CNTN3: variants seen among roughly 807,000 people sequenced by gnomAD.
CNTN3 encodes contactin-3.
CNTN3 carries 60 observed loss-of-function variants against 119.1 expected under a neutral mutation model. That is an observed-to-expected ratio of 0.50 (90% CI 0.41 to 0.62). CNTN3 has a LOEUF of 0.62. Among genes scored for constraint, CNTN3 ranks in the 20% least tolerant of loss-of-function variants. The probability of loss-of-function intolerance (pLI) is 0.00; values close to 1 mark genes in which losing one functional copy is unlikely to be tolerated. For missense variants in CNTN3, 1,101 were observed against 1,242.4 expected (o/e 0.89, Z 1.71); for synonymous variants, 450 against 438.7 (o/e 1.03, Z -0.32).
At chr3:74,513,966 CTTT>C (rs1009124878) in intron 2 of CNTN3, among the ~76,000 whole-genome samples, 2 of 142,120 alleles carry the variant, frequency 1.4e-5, no homozygotes. Flanking sequence ...ATTTTTTTGA[CTTT>C]TTTTTTTTTG....
chr3:74,380,638 G>A (rs1256775450), intron 5 of CNTN3, among the ~76,000 whole-genome samples: 3 of 152,180 alleles, frequency 2.0e-5, no homozygotes, highest in African/African-American at 4.8e-5. Context: ...GAATCCAAAC[G>A]TAGTGCTTCT....
At chr3:74,609,475 C>A (rs1705045105) in intron 1 of CNTN3, among the ~76,000 whole-genome samples, 1 of 152,132 alleles carries the variant, frequency 6.6e-6, no homozygotes, top group South Asian at 2.1e-4. Flanking sequence ...TGACAAAGAC[C>A]ACTGACTCCA....
chr3:74,302,135 T>C (rs1702472436), intron 14 of CNTN3, among the ~76,000 whole-genome samples: 1 of 152,218 alleles, frequency 6.6e-6, no homozygotes, highest in Non-Finnish European at 1.5e-5. Context: ...CCTCTGCTCC[T>C]GGTGTGATGC....
At chr3:74,353,435 T>G (rs1703860482) in intron 11 of CNTN3, among the ~76,000 whole-genome samples, 1 of 152,140 alleles carries the variant, frequency 6.6e-6, no homozygotes, top group South Asian at 2.1e-4. Flanking sequence ...AGGGTGGAGA[T>G]GAATGTAAAA....
At chr3:74,311,882 T>C (rs368621513) in intron 13 of CNTN3, among the ~76,000 whole-genome samples, 21 of 152,302 alleles carry the variant, frequency 1.4e-4, no homozygotes, top group East Asian at 1.2e-3. Context: ...TAATCACAAC[T>C]TGGAGTAAAA....
At chr3:74,319,674 A>C (rs1431872036) in intron 13 of CNTN3, among the ~76,000 whole-genome samples, 4 of 151,968 alleles carry the variant, frequency 2.6e-5, no homozygotes, top group African/African-American at 4.8e-5. Context: ...ATGGGATCCA[A>C]TTAAACTAAA....
At chr3:74,425,139 C>A (rs1472920808) in intron 4 of CNTN3, among the ~76,000 whole-genome samples, 199 bp from the exon 5 acceptor site, 1 of 151,892 alleles carries the variant, frequency 6.6e-6, no homozygotes, top group South Asian at 2.1e-4. Context: ...TGTGGTTATA[C>A]TGTGTAATGC....
At chr3:74,466,162 T>C (rs1702456775) in intron 4 of CNTN3, among the ~76,000 whole-genome samples, 1 of 151,756 alleles carries the variant, frequency 6.6e-6, no homozygotes, top group Non-Finnish European at 1.5e-5. Context: ...ATGGAGAAAA[T>C]ACGTGAGTTT....
chr3:74,393,354 T>C (rs764072432), intron 5 of CNTN3, among the ~76,000 whole-genome samples: 1 of 152,216 alleles, frequency 6.6e-6, no homozygotes, highest in Non-Finnish European at 1.5e-5. Context: ...GATCTGATTG[T>C]TGGTGTTTAA....
At chr3:74,397,626 A>C (rs942839180) in intron 5 of CNTN3, among the ~76,000 whole-genome samples, 1 of 152,164 alleles carries the variant, frequency 6.6e-6, no homozygotes, top group African/African-American at 2.4e-5. Flanking sequence ...GTTCAAGTGA[A>C]AGGAAGAATA....
intron 1 of CNTN3, among the ~76,000 whole-genome samples, chr3:74,576,139 C>T (rs1704412407): frequency 6.6e-6 from 1 of 152,156 alleles, no homozygotes; most frequent in Non-Finnish European, 1.5e-5. Context: ...CCCCTCCTTC[C>T]TTGTCTCTTT....
chr3:74,545,867 T>C (rs1243583573), intron 1 of CNTN3, among the ~76,000 whole-genome samples: 2 of 152,216 alleles, frequency 1.3e-5, no homozygotes, highest in East Asian at 3.8e-4. Context: ...CTACACTTTA[T>C]GCATTGTCCC....
At chr3:74,400,071 A>C (rs1705154602) in intron 5 of CNTN3, among the ~76,000 whole-genome samples, 4 of 152,204 alleles carry the variant, frequency 2.6e-5, no homozygotes, top group Admixed American at 2.6e-4. Context: ...AGTGTACACA[A>C]ATCAAATGGT....
chr3:74,330,925 A>C (rs1703249897), intron 13 of CNTN3, among the ~76,000 whole-genome samples: 1 of 152,234 alleles, frequency 6.6e-6, no homozygotes, highest in African/African-American at 2.4e-5. Context: ...ATAGCTGTAC[A>C]ATGTGTGTTT....
At position 74,395,482 on chromosome 3, in the gene CNTN3, C is replaced by T. The variant is rs539252350; in HGVS notation, c.455-24083G>A. Reference sequence around the variant, plus strand: ...TGGGTACCTATTTATAAAGAATTTACGATAGTGGCTAGTATTTAGTAAAGG... The same window carrying T: ...TGGGTACCTATTTATAAAGAATTTATGATAGTGGCTAGTATTTAGTAAAGG... On this transcript the variant is annotated intron_variant, in intron 5 of 22. Coordinates refer to ENST00000263665, the MANE Select transcript of CNTN3 (RefSeq NM_020872.3). 5.9e-5 allele frequency among the ~76,000 whole-genome samples: 9 copies of T among 152,160 alleles called. 1 individual carries two copies. Among genetic ancestry groups the T allele is most frequent in the African/African-American group, 2.2e-4 (9 of 41,514 alleles).
intron 1 of CNTN3, among the ~76,000 whole-genome samples, chr3:74,587,893 C>T (rs1028810398): frequency 3.3e-5 from 5 of 152,128 alleles, no homozygotes; most frequent in African/African-American, 1.2e-4. Context: ...GGGAATGCTT[C>T]CAGCTTTTGC....
At chr3:74,478,683 A>T (rs1334822970) in intron 4 of CNTN3, among the ~76,000 whole-genome samples, 1 of 152,158 alleles carries the variant, frequency 6.6e-6, no homozygotes, top group East Asian at 1.9e-4. Context: ...GCTCAGGCAC[A>T]TCTAAGTTTC....
At chr3:74,322,353 C>CT (rs1467068476) in intron 13 of CNTN3, among the ~76,000 whole-genome samples, 1 of 152,098 alleles carries the variant, frequency 6.6e-6, no homozygotes, top group Admixed American at 6.6e-5. Flanking sequence ...TGAACCAACA[C>CT]TTCATCAAAG....
intron 5 of CNTN3, among the ~76,000 whole-genome samples, chr3:74,395,253 C>T (rs1256286202): frequency 5.3e-5 from 8 of 152,124 alleles, no homozygotes; most frequent in Admixed American, 2.6e-4. Flanking sequence ...AACCACTCTA[C>T]CCAATCAACA....
Sources: gnomAD v4.1 joint callset for allele counts (sites outside exome capture counted in the v4.1 genomes callset) on GRCh38, gnomAD v4.1.1 for gene constraint, MANE v1.5 for transcripts, NCBI Gene and HGNC (gene_info 2026-07-23, HGNC 2026-07-21) for gene names.